TMEM178B: variants seen among roughly 807,000 people sequenced by gnomAD.
TMEM178B encodes the protein transmembrane protein 178B.
TMEM178B carries 5 observed loss-of-function variants against 31.0 expected under a neutral mutation model. That is an observed-to-expected ratio of 0.16 (90% CI 0.08 to 0.34). The LOEUF is 0.34. TMEM178B is among the 10% of genes least tolerant of loss of function. The pLI, the probability that TMEM178B is intolerant of heterozygous loss-of-function variation, is 1.00. For missense variants in TMEM178B, 275 were observed against 400.3 expected (o/e 0.69, Z 2.67); for synonymous variants, 164 against 164.0 (o/e 1.00, Z 0.00).
chr7:141,218,678 C>T (rs184175377), intron 2 of TMEM178B, among the ~76,000 whole-genome samples: 1 of 152,236 alleles, frequency 6.6e-6, no homozygotes, highest in East Asian at 1.9e-4. Context: ...CTCCGGTGCC[C>T]TCTTCCTCAC....
At chr7:141,394,002 C>T (rs543602029) in intron 2 of TMEM178B, among the ~76,000 whole-genome samples, 1 of 151,926 alleles carries the variant, frequency 6.6e-6, no homozygotes, top group Admixed American at 6.5e-5. Context: ...AGACTGGACA[C>T]ATTCAAGGGA....
chr7:141,229,515 C>T (rs565188348), intron 2 of TMEM178B, among the ~76,000 whole-genome samples: 159 of 152,084 alleles, frequency 1.0e-3, no homozygotes, highest in African/African-American at 3.5e-3. Context: ...CGTTTTCCAT[C>T]GGCTTATTTT....
At chr7:141,330,103 GTTTAT>G (rs1046863284) in intron 2 of TMEM178B, among the ~76,000 whole-genome samples, 3 of 152,016 alleles carry the variant, frequency 2.0e-5, no homozygotes, top group African/African-American at 7.2e-5. Context: ...TTGGTTGAAA[GTTTAT>G]TTTAATTATT....
At chr7:141,431,297 A>T (rs2116669923) in intron 2 of TMEM178B, 1 of 152,258 alleles carries the variant, frequency 6.6e-6, no homozygotes, top group South Asian at 2.1e-4. Flanking sequence ...ATTTAAATGC[A>T]GATATCCTGG....
At chr7:141,365,369 C>G (rs949228191) in intron 2 of TMEM178B, among the ~76,000 whole-genome samples, 1 of 152,202 alleles carries the variant, frequency 6.6e-6, no homozygotes, top group Non-Finnish European at 1.5e-5. Flanking sequence ...TTGATGCCCT[C>G]GCAGTGTGCT....
At chr7:141,304,875 T>C (rs1230877601) in intron 2 of TMEM178B, among the ~76,000 whole-genome samples, 1 of 152,172 alleles carries the variant, frequency 6.6e-6, no homozygotes, top group Non-Finnish European at 1.5e-5. Context: ...CTGGCATCCA[T>C]CTCTTCCTTT....
At chr7:141,493,752 T>A in the TMEM178B span, among the ~76,000 whole-genome samples, 3 of 152,368 alleles carry the variant, frequency 2.0e-5, no homozygotes, top group East Asian at 1.9e-4. Context: ...TTCCTGTCAA[T>A]GCATATCTTC....
intron 2 of TMEM178B, among the ~76,000 whole-genome samples, chr7:141,285,260 C>T (rs1798430766): frequency 6.8e-6 from 1 of 147,338 alleles, no homozygotes; most frequent in African/African-American, 2.5e-5. Context: ...ACGCCATTCT[C>T]CTGCCTCAGC....
chr7:141,493,947 A>C, the TMEM178B span, among the ~76,000 whole-genome samples: 6 of 152,198 alleles, frequency 3.9e-5, no homozygotes. Flanking sequence ...CTATGTATGC[A>C]TCCATTATCT....
chr7:141,287,724 CCACCTT>C (rs1798469411), intron 2 of TMEM178B, among the ~76,000 whole-genome samples: 1 of 152,194 alleles, frequency 6.6e-6, no homozygotes, highest in Non-Finnish European at 1.5e-5. Context: ...CCTGTGAGCC[CCACCTT>C]CAGTGCTGGG....
At chr7:141,435,797 G>A (rs1801525400) in intron 2 of TMEM178B, among the ~76,000 whole-genome samples, 1 of 152,228 alleles carries the variant, frequency 6.6e-6, no homozygotes, top group African/African-American at 2.4e-5. Flanking sequence ...GTTCCCATAA[G>A]TGACTGTAAG....
At chr7:141,381,130 A>G (rs1228663442) in intron 2 of TMEM178B, among the ~76,000 whole-genome samples, 4 of 152,212 alleles carry the variant, frequency 2.6e-5, no homozygotes, top group Non-Finnish European at 5.9e-5. Context: ...CAGTCCTTGA[A>G]GTTGGGGCAA....
At chr7:141,383,703 G>A (rs1347796671) in intron 2 of TMEM178B, among the ~76,000 whole-genome samples, 1 of 152,148 alleles carries the variant, frequency 6.6e-6, no homozygotes, top group Non-Finnish European at 1.5e-5. Context: ...CTTTATAGCA[G>A]CATGATTTAT....
the TMEM178B span, among the ~76,000 whole-genome samples, chr7:141,496,445 C>T: frequency 2.0e-5 from 3 of 151,966 alleles, no homozygotes; most frequent in South Asian, 4.2e-4. Context: ...CCGAGGCGGG[C>T]GGATCACGAG....
At chr7:141,357,216 G>GTTGACAAAT (rs1442698086) in intron 2 of TMEM178B, among the ~76,000 whole-genome samples, 1 of 152,140 alleles carries the variant, frequency 6.6e-6, no homozygotes, top group African/African-American at 2.4e-5. Context: ...TGTAGCTAAA[G>GTTGACAAAT]TTGACAAATT....
rs148012079 is a variant in TMEM178B at position 141,284,810 on chromosome 7, C to A, written c.496+72106C>A. Among the ~76,000 whole-genome samples the A allele has an allele frequency of 3.9e-5, 6 of 152,202 alleles. No homozygotes were observed. The East Asian group carries it at 1.2e-3, about 29-fold the overall frequency. On this transcript the variant is annotated intron_variant, in intron 2 of 3. Transcript: ENST00000565468. ...CCATTGGCCGTGAGGGTCTGGACTG[C>A]TCAGTATTATCTCAAGGATATCAAG...
chr7:141,316,396 A>T (rs1467907931), intron 2 of TMEM178B, among the ~76,000 whole-genome samples: 2 of 152,178 alleles, frequency 1.3e-5, no homozygotes, highest in Non-Finnish European at 2.9e-5. Flanking sequence ...GTTTATATCC[A>T]TTTCCTAGGA....
rs1239202053 is a variant in TMEM178B, at chr7:141,473,180, A to T, written c.*2394A>T. ...ATTTTATTTCTAATTTTCTTTGAAAAGTTAGATTTCTCCCTTAAGGGGAAG... is the reference window on the plus strand; with the variant it reads ...ATTTTATTTCTAATTTTCTTTGAAATGTTAGATTTCTCCCTTAAGGGGAAG... On this transcript the variant is annotated 3_prime_UTR_variant, in exon 4 of 4. Coordinates refer to ENST00000565468, the MANE Select transcript of TMEM178B (RefSeq NM_001195278.2). The T allele has an allele frequency of 1.3e-5, 2 of 152,250 alleles. No homozygotes were observed. Among genetic ancestry groups the T allele is most frequent in the African/African-American group, 4.8e-5 (2 of 41,470 alleles). 9.4% of individuals were successfully genotyped at this position (152,250 alleles called of 1,614,324 possible). A position where few individuals can be genotyped will look rare whatever the true frequency, so the allele number is the denominator to read the frequency against.
intron 2 of TMEM178B, among the ~76,000 whole-genome samples, chr7:141,255,648 G>A (rs547422631): frequency 9.6e-4 from 145 of 151,120 alleles, no homozygotes; most frequent in African/African-American, 3.5e-3. Context: ...TATTTTTCTA[G>A]TTTTTTTTTT....
Sources: allele counts gnomAD v4.1 joint callset (sites outside exome capture counted in the v4.1 genomes callset), GRCh38; gene constraint gnomAD v4.1.1; transcripts MANE v1.5; gene names NCBI Gene and HGNC (gene_info 2026-07-23, HGNC 2026-07-21).